The following KLKB1 variants were observed in gnomAD, a reference collection of about 807,000 sequenced individuals.
The protein encoded by KLKB1 is plasma kallikrein.
Under a neutral mutation model 73.6 loss-of-function variants are expected in KLKB1, and 58 were observed. The observed-to-expected ratio is 0.79, with a 90% CI of 0.64 to 0.98. KLKB1 has a LOEUF of 0.98. Among genes scored for constraint, KLKB1 ranks in the 50% least tolerant of loss-of-function variants. The pLI, the probability that KLKB1 is intolerant of heterozygous loss-of-function variation, is 0.00. For missense variants in KLKB1, 737 were observed against 763.8 expected (o/e 0.96, Z 0.41); for synonymous variants, 280 against 258.1 (o/e 1.08, Z -0.81).
chr4:186,222,501 C>T (rs1004239924), upstream of KLKB1, among the ~76,000 whole-genome samples: 6 of 152,180 alleles, frequency 3.9e-5, no homozygotes, highest in African/African-American at 1.4e-4. Context: ...CCATTTTAAT[C>T]TGGTAACAAC....
upstream of KLKB1, chr4:186,226,369 C>T (rs1412548760): frequency 6.6e-6 from 1 of 152,190 alleles, no homozygotes; most frequent in African/African-American, 2.4e-5. Context: ...AAGTAGGCAC[C>T]TATTTCAGTC....
chr4:186,221,126 T>C lies in KLKB1; in HGVS notation c.202-11001T>C, dbSNP rs1307531465. Among the ~76,000 whole-genome samples, 5 of 152,086 alleles carry C rather than the reference T, an allele frequency of 3.3e-5. No individual in the cohort carries two copies. In the East Asian group the frequency reaches 9.6e-4, roughly 29 times the overall value. Reference sequence around the variant, plus strand: ...TTCATAGTAGTCTCATGATTTTCTGTATTTCTGTGGTATCCATTGTAATCT... The same window carrying C: ...TTCATAGTAGTCTCATGATTTTCTGCATTTCTGTGGTATCCATTGTAATCT... On this transcript the variant is annotated intron_variant, in intron 2 of 14. Transcript: ENST00000511608.
At chr4:186,241,969 C>T (rs1386497715) in intron 6 of KLKB1, among the ~76,000 whole-genome samples, 8 of 152,254 alleles carry the variant, frequency 5.3e-5, no homozygotes, top group South Asian at 4.1e-4. Context: ...CATGTGCGTC[C>T]GTGTGAAGAG....
intron 13 of KLKB1, among the ~76,000 whole-genome samples, chr4:186,256,384 G>A (rs980104482): frequency 1.3e-5 from 2 of 152,142 alleles, no homozygotes; most frequent in Admixed American, 6.5e-5. Flanking sequence ...AAGACCACCC[G>A]CTCCTCAGTG....
chr4:186,251,437 G>T, intron 8 of KLKB1, 50 bp from the exon 9 acceptor site: 4 of 1,582,822 alleles, frequency 2.5e-6, no homozygotes, highest in Non-Finnish European at 3.5e-6. Context: ...TGTAAATGTC[G>T]TTCATTGCTT....
chr4:186,214,717 G>A (rs1356608094), intron 2 of KLKB1, among the ~76,000 whole-genome samples: 2 of 152,142 alleles, frequency 1.3e-5, no homozygotes, highest in Non-Finnish European at 2.9e-5. Context: ...TCATTTTCCT[G>A]CTGGCTAGCT....
intron 2 of KLKB1, 108 bp from the exon 3 acceptor site, chr4:186,232,018 TA>T: frequency 1.3e-6 from 1 of 789,164 alleles, no homozygotes; most frequent in Admixed American, 2.5e-5. Flanking sequence ...AGTTGTATTA[TA>T]CAGGTCTTTG....
At position 186,251,637 on chromosome 4, in the gene KLKB1, G is replaced by A; in HGVS notation, c.1019G>A (p.Cys340Tyr). The A allele has an allele frequency of 1.2e-6, 2 of 1,614,022 alleles. No homozygotes were observed. Among genetic ancestry groups the A allele is most frequent in the Non-Finnish European group, 1.7e-6 (2 of 1,179,948 alleles). Residue 340 changes from cysteine to tyrosine, a missense_variant, in exon 9 of 15, where the codon TGT becomes TAT. Transcript: ENST00000264690. ...ACTTATTCTTTACTCCCAGAAGACTGTAAGGAAGAGAAGTAAAGGAAATTT... is the reference window on the plus strand; with the variant it reads ...ACTTATTCTTTACTCCCAGAAGACTATAAGGAAGAGAAGTAAAGGAAATTT... ...FFTYSLLPED[C>Y]KEEKCKCFLR...
At chr4:186,211,515 T>C (rs1736720123) in intron 2 of KLKB1, 1 of 152,106 alleles carries the variant, frequency 6.6e-6, no homozygotes, top group Admixed American at 6.5e-5. Context: ...GGTTTCACCA[T>C]GTTGGCCAGG....
At chr4:186,257,963 C>T in intron 14 of KLKB1, 58 bp from the exon 15 acceptor site, 1 of 1,489,258 alleles carries the variant, frequency 6.7e-7, no homozygotes, top group South Asian at 1.1e-5. Flanking sequence ...GAGGCAGTCA[C>T]TTATTTGAAT....
chr4:186,223,136 G>A (rs1017194155), upstream of KLKB1, among the ~76,000 whole-genome samples: 1 of 152,084 alleles, frequency 6.6e-6, no homozygotes, highest in Non-Finnish European at 1.5e-5. Flanking sequence ...GTTTCCTGAG[G>A]CCTCCCCAGC....
Position 186,254,451 on chromosome 4 carries a change from G to A in KLKB1, c.1314-137G>A. The A allele has an allele frequency of 1.2e-5, 9 of 757,564 alleles. No individual in the cohort carries two copies. The South Asian group carries it at 1.3e-4, about 11-fold the overall frequency. The allele number at this position is 757,564 out of a possible 1,614,324, so 46.9% of individuals were successfully genotyped here. On this transcript the variant is annotated intron_variant, in intron 11 of 14. Coordinates refer to ENST00000264690, the MANE Select transcript of KLKB1 (RefSeq NM_000892.5). Reference sequence around the variant, plus strand: ...CGCTATTGGTGATGAAAAATTACCAGAAGGAGGAATTAGGTAGGAGAAAAT... The same window carrying A: ...CGCTATTGGTGATGAAAAATTACCAAAAGGAGGAATTAGGTAGGAGAAAAT...
intron 1 of KLKB1, among the ~76,000 whole-genome samples, chr4:186,227,826 A>T (rs1010381400): frequency 6.6e-6 from 1 of 152,194 alleles, no homozygotes; most frequent in Non-Finnish European, 1.5e-5. Context: ...TTCTTTACTT[A>T]GGGATTTTTG....
chr4:186,254,623 G>A lies in KLKB1; in HGVS notation c.1349G>A (p.Gly450Asp). Reference protein sequence around the residue: ...PLQDVWRIYSGILNLSDITKD... With the variant: ...PLQDVWRIYSDILNLSDITKD... ...CAGGATGTTTGGCGCATCTATAGTG[G>A]CATTTTAAATCTGTCAGACATTACA... Residue 450 changes from glycine to aspartate, a missense_variant, in exon 12 of 15, where the codon GGC (glycine) becomes GAC (aspartate). By Grantham distance (94) the Gly-to-Asp change is moderately conservative (BLOSUM62 -1). Transcript: ENST00000264690. The A allele has an allele frequency of 6.2e-7, 1 of 1,613,990 alleles. No homozygotes were observed. The highest frequency in any genetic ancestry group is 8.5e-7 in the Non-Finnish European group (1 of 1,179,930).
At position 186,217,439 on chromosome 4, in the gene KLKB1, T is replaced by G. The variant is rs187981346; in HGVS notation, c.201+8167T>G. Among the ~76,000 whole-genome samples, 467 of 152,296 alleles carry G rather than the reference T, an allele frequency of 3.1e-3. 3 individuals are homozygous for G. The highest frequency in any genetic ancestry group is 0.011 in the African/African-American group (440 of 41,564). Reference sequence around the variant, plus strand: ...CTAAAAGACAGCACAACATGCATATTTAAAATATGCTACTTCCTTCTCACC... The same window carrying G: ...CTAAAAGACAGCACAACATGCATATGTAAAATATGCTACTTCCTTCTCACC... On this transcript the variant is annotated intron_variant, in intron 2 of 14. Transcript: ENST00000511608.
rs191722400 is a variant in KLKB1 at position 186,219,787 on chromosome 4, G to A, written c.201+10515G>A. On this transcript the variant is annotated intron_variant, in intron 2 of 14. Coordinates refer to the KLKB1 transcript ENST00000511608. ...AGGGGTCTGGGCCTTATGTAGCACT[G>A]CCTGGATTGGGCTGTTGTAGTTTCC... Among the ~76,000 whole-genome samples the A allele has an allele frequency of 8.1e-4, 124 of 152,226 alleles. 1 individual carries two copies. Among genetic ancestry groups the A allele is most frequent in the Admixed American group, 8.0e-3 (122 of 15,296 alleles).
At chr4:186,256,860 A>T (rs3775303) in intron 13 of KLKB1, among the ~76,000 whole-genome samples, 54,316 of 151,908 alleles carry the variant, frequency 0.36, 10,194 homozygotes, top group Non-Finnish European at 0.41. Flanking sequence ...TGCTACTGAG[A>T]TGAGGGGATG....
chr4:186,221,643 G>T (rs76006186), upstream of KLKB1, among the ~76,000 whole-genome samples: 3,658 of 152,062 alleles, frequency 0.024, 157 homozygotes, highest in African/African-American at 0.085. Context: ...ATGCCATTAT[G>T]GTTGGAAAAG....
rs925453 is a variant in KLKB1 at position 186,258,056 on chromosome 4, T to C, written c.1761T>C (p.Asn587=). 0.68 allele frequency: 1,097,037 copies of C among 1,613,544 alleles called. 376,244 individuals are homozygous for C. The highest frequency in any genetic ancestry group is 0.86 in the East Asian group (38,580 of 44,864). ...GTGGTCCCTTAGTTTGCAAACACAATGGAATGTGGCGTTTGGTGGGCATCA... is the reference window on the plus strand; with the variant it reads ...GTGGTCCCTTAGTTTGCAAACACAACGGAATGTGGCGTTTGGTGGGCATCA... ...DSGGPLVCKH[N]GMWRLVGITS... is the part of the protein sequence containing the mutation. Residue 587 remains asparagine (N), a synonymous_variant, in exon 15 of 15, where the codon AAT becomes AAC. Transcript: ENST00000264690.
Sources: gnomAD v4.1 joint callset for allele counts (sites outside exome capture counted in the v4.1 genomes callset) on GRCh38, gnomAD v4.1.1 for gene constraint, MANE v1.5 for transcripts, NCBI Gene and HGNC (gene_info 2026-07-23, HGNC 2026-07-21) for gene names.